Variants in SLC44A5 observed in about 807,000 individuals in gnomAD.
SLC44A5 encodes the protein choline transporter-like protein 5.
A neutral mutation model predicts 101.8 loss-of-function variants in SLC44A5; 57 were observed. The observed-to-expected ratio is 0.56, with a 90% CI of 0.45 to 0.70. The LOEUF is 0.70. SLC44A5 is among the 30% of genes least tolerant of loss of function. The probability of loss-of-function intolerance (pLI) is 0.00; values close to 1 mark genes in which losing one functional copy is unlikely to be tolerated. For missense variants in SLC44A5, 737 were observed against 853.1 expected (o/e 0.86, Z 1.70); for synonymous variants, 281 against 290.9 (o/e 0.97, Z 0.35).
intron 2 of SLC44A5, among the ~76,000 whole-genome samples, chr1:75,537,034 A>AAAAATATATATATATATG (rs1553199990): frequency 2.1e-4 from 4 of 18,654 alleles, no homozygotes; most frequent in African/African-American, 4.1e-4. Flanking sequence ...AAAAAAAAAA[A>AAAAATATATATATATATG]TATATATCTA....
intron 6 of SLC44A5, 44 bp downstream of exon 6, chr1:75,274,914 G>A (rs2100747437): frequency 1.4e-6 from 2 of 1,470,896 alleles, no homozygotes; most frequent in Non-Finnish European, 1.9e-6. Context: ...CTAGGTTCCA[G>A]TTTAGACAGT....
At chr1:75,343,481 A>G (rs190829644) in intron 3 of SLC44A5, among the ~76,000 whole-genome samples, 274 of 152,308 alleles carry the variant, frequency 1.8e-3, no homozygotes, top group African/African-American at 6.2e-3. Flanking sequence ...TTTAAAAGTA[A>G]TCTGTTTCTC....
intron 2 of SLC44A5, among the ~76,000 whole-genome samples, chr1:75,467,451 CAA>C (rs1666885084): frequency 6.6e-6 from 1 of 152,008 alleles, no homozygotes; most frequent in Non-Finnish European, 1.5e-5. Flanking sequence ...CTATAGAAAC[CAA>C]AAACAGCTTG....
intron 1 of SLC44A5, among the ~76,000 whole-genome samples, chr1:75,556,711 T>C (rs1198919187): frequency 6.6e-6 from 1 of 152,094 alleles, no homozygotes; most frequent in African/African-American, 2.4e-5. Context: ...AAAAGGGGAT[T>C]GGAGATAGGC....
chr1:75,385,065 G>C (rs1045792987), intron 3 of SLC44A5, among the ~76,000 whole-genome samples: 3 of 152,216 alleles, frequency 2.0e-5, no homozygotes, highest in Admixed American at 6.5e-5. Flanking sequence ...GCAGCGTGTA[G>C]AGGGAAATAC....
intron 3 of SLC44A5, among the ~76,000 whole-genome samples, chr1:75,368,739 AT>A (rs1660029113): frequency 6.6e-6 from 1 of 152,230 alleles, no homozygotes; most frequent in Non-Finnish European, 1.5e-5. Flanking sequence ...ATCCTAAGAA[AT>A]GTCTATTATT....
intron 3 of SLC44A5, among the ~76,000 whole-genome samples, chr1:75,386,499 C>T (rs6668827): frequency 0.26 from 39,410 of 151,980 alleles, 5,518 homozygotes; most frequent in African/African-American, 0.36. Context: ...ATCCAACTTA[C>T]AAGGGATGTG....
chr1:75,278,347 A>G (rs1443329358), intron 5 of SLC44A5, among the ~76,000 whole-genome samples: 1 of 152,106 alleles, frequency 6.6e-6, no homozygotes, highest in African/African-American at 2.4e-5. Context: ...TTTCTCCTGG[A>G]CAGATCTGTT....
At chr1:75,393,084 A>C (rs1033593709) in intron 3 of SLC44A5, among the ~76,000 whole-genome samples, 1 of 152,156 alleles carries the variant, frequency 6.6e-6, no homozygotes, top group Admixed American at 6.6e-5. Flanking sequence ...TTCTACCTCA[A>C]TAGTTCTATC....
chr1:75,461,534 T>G (rs1405430523), intron 2 of SLC44A5, among the ~76,000 whole-genome samples: 1 of 152,234 alleles, frequency 6.6e-6, no homozygotes, highest in Admixed American at 6.5e-5. Context: ...GTCACCAAAT[T>G]TTGCTAGCCA....
At chr1:75,504,734 G>A (rs902246502) in intron 2 of SLC44A5, among the ~76,000 whole-genome samples, 1 of 151,988 alleles carries the variant, frequency 6.6e-6, no homozygotes, top group African/African-American at 2.4e-5. Flanking sequence ...TTCTAAATTA[G>A]GGCAAAATCA....
chr1:75,616,353 G>T, the SLC44A5 span, among the ~76,000 whole-genome samples: 3 of 152,058 alleles, frequency 2.0e-5, no homozygotes, highest in Non-Finnish European at 4.4e-5. Flanking sequence ...GCGGCGGCGG[G>T]GAGCTGCTGG....
At chr1:75,607,178 C>G (rs1324179491) in intron 1 of SLC44A5, among the ~76,000 whole-genome samples, 1 of 152,002 alleles carries the variant, frequency 6.6e-6, no homozygotes, top group Non-Finnish European at 1.5e-5. Context: ...ATAAACTTGC[C>G]CCTTCTACAA....
chr1:75,346,691 G>A lies in SLC44A5; in HGVS notation c.53-7061C>T, dbSNP rs577060160. Among the ~76,000 whole-genome samples, 3 of 152,162 alleles carry A rather than the reference G, an allele frequency of 2.0e-5. No homozygotes were observed. In the South Asian group the frequency reaches 6.2e-4, roughly 32 times the overall value. ...GGAAGCAAACAAGAACATGAATTGA[G>A]CTTGAAGGTTATCAACTTGGGTTTT... On this transcript the variant is annotated intron_variant, in intron 3 of 23. Coordinates refer to ENST00000370859, the MANE Select transcript of SLC44A5 (RefSeq NM_001130058.2).
chr1:75,520,743 C>G (rs1430723594), intron 2 of SLC44A5, among the ~76,000 whole-genome samples: 1 of 152,070 alleles, frequency 6.6e-6, no homozygotes, highest in African/African-American at 2.4e-5. Flanking sequence ...ATCATGATAG[C>G]TAAAGAAAAT....
chr1:75,431,934 TCA>T (rs957689123), intron 2 of SLC44A5, among the ~76,000 whole-genome samples: 2 of 152,188 alleles, frequency 1.3e-5, no homozygotes, highest in African/African-American at 4.8e-5. Context: ...GAGTATTATT[TCA>T]CAGTGTCGAA....
upstream of SLC44A5, among the ~76,000 whole-genome samples, chr1:75,615,401 A>G (rs1557965215): frequency 5.7e-5 from 7 of 123,118 alleles, no homozygotes; most frequent in Non-Finnish European, 3.4e-5. Flanking sequence ...ACCATGAAAA[A>G]CTCTCTCTCT....
intron 2 of SLC44A5, among the ~76,000 whole-genome samples, chr1:75,446,008 A>C (rs934665130): frequency 6.6e-6 from 1 of 151,918 alleles, no homozygotes; most frequent in African/African-American, 2.4e-5. Flanking sequence ...CTACCTCCAA[A>C]ACAAACTCCA....
At chr1:75,393,361 C>T (rs1210732543) in intron 3 of SLC44A5, among the ~76,000 whole-genome samples, 2 of 152,146 alleles carry the variant, frequency 1.3e-5, no homozygotes, top group Non-Finnish European at 2.9e-5. Context: ...TATACATACA[C>T]ATATGCCCAT....
Sources: allele counts gnomAD v4.1 joint callset (sites outside exome capture counted in the v4.1 genomes callset), GRCh38; gene constraint gnomAD v4.1.1; transcripts MANE v1.5; gene names NCBI Gene and HGNC (gene_info 2026-07-23, HGNC 2026-07-21).